COG5: variants seen among roughly 807,000 people sequenced by gnomAD.
The protein encoded by COG5 is component of oligomeric golgi complex 5.
A neutral mutation model predicts 110.4 loss-of-function variants in COG5; 86 were observed. The ratio of observed to expected loss-of-function variants is 0.78; its 90% CI spans 0.65 to 0.93. The LOEUF (loss-of-function observed/expected upper bound fraction) is 0.93, where lower values mean the gene tolerates loss of function less well. COG5 is among the 40% of genes least tolerant of loss of function. The pLI, the probability that COG5 is intolerant of heterozygous loss-of-function variation, is 0.00. For synonymous variants in COG5, 360 were observed against 334.6 expected (o/e 1.08, Z -0.83); for missense variants, 1,077 against 987.0 (o/e 1.09, Z -1.22).
intron 3 of COG5, among the ~76,000 whole-genome samples, chr7:107,552,869 G>A (rs189907481): frequency 6.6e-6 from 1 of 152,212 alleles, no homozygotes; most frequent in East Asian, 1.9e-4. Context: ...CAACCTAGGT[G>A]CCCAACAACA....
intron 6 of COG5, among the ~76,000 whole-genome samples, chr7:107,441,748 A>G (rs1794718724): frequency 6.6e-6 from 1 of 152,244 alleles, no homozygotes; most frequent in African/African-American, 2.4e-5. Flanking sequence ...TCTGGCATTT[A>G]CTTAGACCAT....
At chr7:107,410,393 C>G (rs895159051) in intron 7 of COG5, among the ~76,000 whole-genome samples, 2 of 152,098 alleles carry the variant, frequency 1.3e-5, no homozygotes, top group African/African-American at 4.8e-5. Context: ...AGAAAACCAT[C>G]GAGTAGTAAA....
chr7:107,433,430 T>C (rs1249652351), intron 6 of COG5, among the ~76,000 whole-genome samples: 1 of 152,120 alleles, frequency 6.6e-6, no homozygotes, highest in Non-Finnish European at 1.5e-5. Flanking sequence ...CTTCAAAACA[T>C]ATTACAAAGC....
Position 107,374,929 on chromosome 7 carries a change from A to G in COG5, c.670-2169T>C, listed in dbSNP as rs566241244. 2.6e-5 allele frequency among the ~76,000 whole-genome samples: 4 copies of G among 152,160 alleles called. No homozygotes were observed. In the South Asian group the frequency reaches 8.3e-4, roughly 32 times the overall value. On this transcript the variant is annotated intron_variant, in intron 7 of 21. Coordinates refer to ENST00000297135, the MANE Select transcript of COG5 (RefSeq NM_006348.5). ...ATACAGAGGAGTATGCTAATTATGT[A>G]AGCACAGCTTTATTATCACAAAGTG...
chr7:107,322,455 T>C (rs1240667888), intron 11 of COG5, among the ~76,000 whole-genome samples: 1 of 152,168 alleles, frequency 6.6e-6, no homozygotes, highest in Non-Finnish European at 1.5e-5. Flanking sequence ...GTCTGTGGTA[T>C]TTTGTTGTAG....
At chr7:107,421,395 A>G (rs1295103924) in intron 6 of COG5, among the ~76,000 whole-genome samples, 1 of 152,212 alleles carries the variant, frequency 6.6e-6, no homozygotes. Context: ...AGCAAAAACA[A>G]TACAAATTCT....
chr7:107,356,656 TC>T (rs1434049680), intron 10 of COG5, among the ~76,000 whole-genome samples: 1 of 152,118 alleles, frequency 6.6e-6, no homozygotes, highest in Non-Finnish European at 1.5e-5. Flanking sequence ...ATAGACAGAT[TC>T]CAGTGTAGAA....
chr7:107,561,567 A>G (rs1803775029), intron 1 of COG5, among the ~76,000 whole-genome samples: 3 of 152,256 alleles, frequency 2.0e-5, no homozygotes, highest in South Asian at 4.1e-4. Flanking sequence ...TATGTGCAAG[A>G]AAGTCATTGA....
intron 6 of COG5, among the ~76,000 whole-genome samples, chr7:107,424,422 A>G (rs1267431603): frequency 6.6e-6 from 1 of 152,018 alleles, no homozygotes; most frequent in Non-Finnish European, 1.5e-5. Flanking sequence ...ATGCTTTCTC[A>G]GGCCTATAAA....
chr7:107,237,610 C>T (rs1028418462), intron 17 of COG5, among the ~76,000 whole-genome samples: 2 of 152,188 alleles, frequency 1.3e-5, no homozygotes, highest in African/African-American at 4.8e-5. Context: ...GCAGTGGTTA[C>T]TATAAATAGG....
At chr7:107,255,879 A>G (rs1802843804) in intron 16 of COG5, among the ~76,000 whole-genome samples, 2 of 152,186 alleles carry the variant, frequency 1.3e-5, no homozygotes, top group South Asian at 4.1e-4. Context: ...AATAAAGGAA[A>G]GATGGTGGCA....
At position 107,283,820 on chromosome 7, in the gene COG5, T is replaced by C. The variant is rs192866149; in HGVS notation, c.1314-88A>G. 67 of 891,316 alleles carry C rather than the reference T, an allele frequency of 7.5e-5. No homozygotes were observed. In the East Asian group the frequency reaches 1.6e-3, roughly 21 times the overall value. The allele number at this position is 891,316 out of a possible 1,614,324, so 55.2% of individuals were successfully genotyped here. A position where few individuals can be genotyped will look rare whatever the true frequency, so the allele number is the denominator to read the frequency against. ...AGGCTGTAAATACCTTTTTAAAAAA[T>C]GCACCTCCCATAAAAATGTAACTCT... is the stretch of plus-strand genomic sequence containing the variant. On this transcript the variant is annotated intron_variant, in intron 12 of 21. Transcript: ENST00000297135.
chr7:107,498,567 C>T (rs1281113234), intron 6 of COG5, among the ~76,000 whole-genome samples: 1 of 151,990 alleles, frequency 6.6e-6, no homozygotes, highest in East Asian at 1.9e-4. Flanking sequence ...ATCGAAACCA[C>T]AGTGAGATAC....
At chr7:107,510,037 A>T (rs574785124) in intron 6 of COG5, among the ~76,000 whole-genome samples, 1 of 152,266 alleles carries the variant, frequency 6.6e-6, no homozygotes, top group Non-Finnish European at 1.5e-5. Flanking sequence ...AAGACCAAAT[A>T]CACACATAAC....
Position 107,236,618 on chromosome 7 carries a change from A to T in COG5, c.1923T>A (p.Ile641=). The part of the protein sequence containing the change: ...SLYMKELQGF[I]ARVMSDYFKH... ...TAAAATAGTCACTCATAACTCTGGC[A>T]ATGAAACCTTGTAGCTCCTTCATGT... Residue 641 remains isoleucine (I), a synonymous_variant, in exon 18 of 22, where the codon ATT becomes ATA. Transcript: ENST00000297135. The T allele has an allele frequency of 6.2e-7, 1 of 1,614,140 alleles. No homozygotes were observed. Among genetic ancestry groups the T allele is most frequent in the Non-Finnish European group, 8.5e-7 (1 of 1,180,004 alleles).
chr7:107,398,482 C>T (rs377623775), intron 7 of COG5, among the ~76,000 whole-genome samples: 3 of 152,118 alleles, frequency 2.0e-5, no homozygotes, highest in Admixed American at 1.3e-4. Context: ...TTGCTAACTG[C>T]ACACGCGAGG....
intron 21 of COG5, chr7:107,207,755 G>C: frequency 2.0e-6 from 2 of 985,188 alleles, no homozygotes; most frequent in Non-Finnish European, 2.4e-6. Flanking sequence ...GGTCCCATGA[G>C]TAAGTTATTA....
chr7:107,258,298 TAC>T lies in COG5; in HGVS notation c.1659_1660del (p.Tyr554Ter). On this transcript the variant is annotated frameshift_variant, in exon 15 of 22. Coordinates refer to ENST00000297135, the MANE Select transcript of COG5 (RefSeq NM_006348.5). LOFTEE classifies it high-confidence loss of function. The stretch of plus-strand genomic sequence containing the variant: ...CTTTGTTACTGATTGGTGCAACTTA[TAC>T]AATGAATTCACTACTGCCACATTTC... 1 of 1,610,222 alleles carries T rather than the reference TAC, an allele frequency of 6.2e-7. No homozygotes were observed. The highest frequency in any genetic ancestry group is 8.5e-7 in the Non-Finnish European group (1 of 1,176,572).
At chr7:107,514,551 G>A (rs1405034235) in intron 6 of COG5, among the ~76,000 whole-genome samples, 1 of 152,086 alleles carries the variant, frequency 6.6e-6, no homozygotes, top group African/African-American at 2.4e-5. Context: ...TCCCTTTTAT[G>A]AAGCAATTAA....
Sources: allele counts gnomAD v4.1 joint callset (sites outside exome capture counted in the v4.1 genomes callset), GRCh38; gene constraint gnomAD v4.1.1; transcripts MANE v1.5; gene names NCBI Gene and HGNC (gene_info 2026-07-23, HGNC 2026-07-21).